SUPT20H: variants seen among roughly 807,000 people sequenced by gnomAD.
SUPT20H encodes SPT20 homolog, SAGA complex component, also known as transcription factor SPT20 homolog.
In SUPT20H, 82 loss-of-function variants were observed where a neutral mutation model predicts 122.8. The observed-to-expected ratio is 0.67, with a 90% CI of 0.56 to 0.80. SUPT20H has a LOEUF of 0.80. Ranked by LOEUF, SUPT20H falls within the 30% of genes least tolerant of loss-of-function variation. The pLI, the probability that SUPT20H is intolerant of heterozygous loss-of-function variation, is 0.00. For missense variants in SUPT20H, 831 were observed against 921.6 expected (o/e 0.90, Z 1.27); for synonymous variants, 291 against 313.0 (o/e 0.93, Z 0.74).
chr13:37,043,212 T>C (rs2065808594), intron 7 of SUPT20H, among the ~76,000 whole-genome samples: 1 of 152,116 alleles, frequency 6.6e-6, no homozygotes, highest in Non-Finnish European at 1.5e-5. Flanking sequence ...ACAGTATACA[T>C]CAACTATTTT....
chr13:37,042,550 G>A (rs2065681424), intron 7 of SUPT20H, among the ~76,000 whole-genome samples: 1 of 152,146 alleles, frequency 6.6e-6, no homozygotes, highest in Admixed American at 6.6e-5. Context: ...GGAAAATGAT[G>A]TCTCAGAAGT....
At chr13:37,027,258 T>C (rs186721486) in intron 14 of SUPT20H, among the ~76,000 whole-genome samples, 163 of 151,778 alleles carry the variant, frequency 1.1e-3, no homozygotes, top group South Asian at 3.3e-3. Flanking sequence ...AGAAAAAAAA[T>C]GGCTTCCTTA....
rs891691821 is a variant in SUPT20H at position 37,059,648 on chromosome 13, A to G, written c.-183T>C. On this transcript the variant is annotated 5_prime_UTR_variant, in exon 1 of 26. Transcript: ENST00000350612. Reference sequence around the variant, plus strand: ...CGCCCCGTCGGCGGCTCAGTGCTGCACCCCCACCAACAGCCAGTTCCGGCG... The same window carrying G: ...CGCCCCGTCGGCGGCTCAGTGCTGCGCCCCCACCAACAGCCAGTTCCGGCG... 3 of 152,322 alleles carry G rather than the reference A, an allele frequency of 2.0e-5. No homozygotes were observed. The highest frequency in any genetic ancestry group is 2.9e-5 in the Non-Finnish European group (2 of 68,154). The allele number at this position is 152,322 out of a possible 1,614,324, so 9.4% of individuals were successfully genotyped here.
intron 20 of SUPT20H, 91 bp downstream of exon 20, chr13:37,021,920 G>A (rs1163613542): frequency 5.0e-6 from 7 of 1,388,926 alleles, no homozygotes; most frequent in Non-Finnish European, 6.8e-6. Context: ...AGTAATATGC[G>A]GTTTGTTCTT....
intron 9 of SUPT20H, among the ~76,000 whole-genome samples, chr13:37,036,662 T>A (rs982178549): frequency 6.6e-6 from 1 of 152,044 alleles, no homozygotes; most frequent in East Asian, 1.9e-4. Flanking sequence ...TGTGCATGCC[T>A]CTTCTGCCTC....
intron 9 of SUPT20H, among the ~76,000 whole-genome samples, chr13:37,035,876 T>C (rs974967396): frequency 2.6e-5 from 4 of 152,204 alleles, no homozygotes; most frequent in East Asian, 1.9e-4. Context: ...GTGAACATTG[T>C]TGAAATGACA....
At chr13:37,023,240 G>A (rs1050945731) in intron 19 of SUPT20H, among the ~76,000 whole-genome samples, 12 of 152,018 alleles carry the variant, frequency 7.9e-5, no homozygotes, top group African/African-American at 2.4e-4. Context: ...TTGAGCTATC[G>A]AGATGAAGAT....
intron 2 of SUPT20H, among the ~76,000 whole-genome samples, chr13:37,050,712 T>G (rs1488843954): frequency 6.6e-6 from 1 of 152,092 alleles, no homozygotes; most frequent in Non-Finnish European, 1.5e-5. Context: ...TTCAAAAACT[T>G]AAGAGGAAAA....
At chr13:37,021,977 T>TA (rs771276481) in intron 20 of SUPT20H, 34 bp downstream of exon 20, 3,264 of 1,353,428 alleles carry the variant, frequency 2.4e-3, no homozygotes, top group South Asian at 5.6e-3. Flanking sequence ...ACTATCTTTA[T>TA]AAAAAAAAAA....
At chr13:37,029,446 T>C (rs1166290626) in intron 13 of SUPT20H, among the ~76,000 whole-genome samples, 2 of 152,060 alleles carry the variant, frequency 1.3e-5, no homozygotes, top group African/African-American at 4.8e-5. Flanking sequence ...GGAGAATTGC[T>C]TGGACCTGGG....
At chr13:37,020,029 CA>C (rs1314926688) in intron 21 of SUPT20H, among the ~76,000 whole-genome samples, 4 of 152,118 alleles carry the variant, frequency 2.6e-5, no homozygotes, top group African/African-American at 9.7e-5. Flanking sequence ...TTTGTGAGCA[CA>C]AATGGCCTCT....
In SUPT20H at chr13:37,028,181, T is replaced by C; in HGVS notation, c.1118A>G (p.Asp373Gly). ...YYGKIQPCKA[D>G]EESDSQMSPS... ...AGACATCTGGCTGTCACTTTCTTCA[T>C]CTGCTTTACATGGCTGTATTTTACC... Residue 373 changes from aspartate to glycine, a missense_variant, in exon 14 of 26, where the codon GAT becomes GGT. Physicochemically the swap from Asp to Gly is moderately conservative, Grantham distance 94. Coordinates refer to ENST00000350612, the MANE Select transcript of SUPT20H (RefSeq NM_001014286.3). 1.9e-6 allele frequency: 3 copies of C among 1,610,944 alleles called. No homozygotes were observed. The highest frequency in any genetic ancestry group is 1.1e-5 in the South Asian group (1 of 90,442).
chr13:37,021,193 A>G (rs1250505257), intron 21 of SUPT20H, among the ~76,000 whole-genome samples: 1 of 152,168 alleles, frequency 6.6e-6, no homozygotes, highest in Non-Finnish European at 1.5e-5. Flanking sequence ...ACCAAAATTA[A>G]TTTTGTTATT....
At chr13:37,058,760 C>T (rs1039297926) in intron 1 of SUPT20H, among the ~76,000 whole-genome samples, 25 of 152,212 alleles carry the variant, frequency 1.6e-4, no homozygotes, top group Non-Finnish European at 3.7e-4. Context: ...TTACAACCTG[C>T]AAACTAATCA....
chr13:37,046,872 A>G (rs2066562828), intron 5 of SUPT20H: 1 of 152,204 alleles, frequency 6.6e-6, no homozygotes, highest in South Asian at 2.1e-4. Context: ...TAAAGATTTT[A>G]AAGTTAGACA....
At chr13:37,054,624 A>G (rs2068525735) in intron 1 of SUPT20H, among the ~76,000 whole-genome samples, 2 of 152,220 alleles carry the variant, frequency 1.3e-5, no homozygotes, top group African/African-American at 2.4e-5. Flanking sequence ...TCTCAAAATA[A>G]TAAGAGCTAT....
chr13:37,052,660 A>G (rs2067999806), intron 1 of SUPT20H, among the ~76,000 whole-genome samples: 1 of 152,232 alleles, frequency 6.6e-6, no homozygotes. Context: ...AGCAATTGCA[A>G]CAAAAGCCAA....
At chr13:37,017,601 T>C (rs2060738471) in intron 22 of SUPT20H, among the ~76,000 whole-genome samples, 1 of 152,210 alleles carries the variant, frequency 6.6e-6, no homozygotes, top group Non-Finnish European at 1.5e-5. Context: ...CATAAATTTT[T>C]CTGCTTCAAG....
intron 24 of SUPT20H, 142 bp downstream of exon 24, chr13:37,012,050 T>TTAA: frequency 1.7e-6 from 1 of 601,322 alleles, no homozygotes; most frequent in Non-Finnish European, 2.9e-6. Context: ...ATCAATCAAT[T>TTAA]TAATAGTTTA....
Sources: allele counts gnomAD v4.1 joint callset (sites outside exome capture counted in the v4.1 genomes callset), GRCh38; gene constraint gnomAD v4.1.1; transcripts MANE v1.5; gene names NCBI Gene and HGNC (gene_info 2026-07-23, HGNC 2026-07-21).